GPR135: variants seen among roughly 807,000 people sequenced by gnomAD.
GPR135 encodes the protein G-protein coupled receptor 135.
Under a neutral mutation model 15.0 loss-of-function variants are expected in GPR135, and 17 were observed. The observed-to-expected ratio is 1.13, with a 90% confidence interval of 0.78 to 1.70. The LOEUF (loss-of-function observed/expected upper bound fraction) is 1.70. Ranked by LOEUF, GPR135 falls within the 40% of genes most tolerant of loss-of-function variation. The pLI, the probability that GPR135 is intolerant of heterozygous loss-of-function variation, is 0.00. For missense variants in GPR135, 776 were observed against 727.0 expected, an observed-to-expected ratio of 1.07 and a Z score of -0.78; for synonymous variants, 368 against 349.4, an observed-to-expected ratio of 1.05 and a Z score of -0.59.
In GPR135 at chr14:59,463,859, G is replaced by C. The variant is rs913273406; in HGVS notation, c.1368C>G (p.Asp456Glu). The C allele has an allele frequency of 8.1e-6, 13 of 1,613,288 alleles. No homozygotes were observed. The highest frequency in any genetic ancestry group is 1.1e-5 in the Non-Finnish European group (13 of 1,179,774). ...GATTTTTGCGGGCCCACATGGCCAC[G>C]TCCCCTGCCACTCCGCTGGCCGGGT... ...SSNPASGVAG[D>E]VAMWARKNPV... The change falls in exon 1 of 1, where the codon GAC becomes GAG. Residue 456 changes from aspartate to glutamate, a missense_variant. By Grantham distance (45) the Asp-to-Glu change is conservative. Coordinates refer to ENST00000395116, the MANE Select transcript of GPR135 (RefSeq NM_022571.6).
At chr14:59,452,876 C>T (rs772159668) in intron 6 of GPR135, among the ~76,000 whole-genome samples, 6 of 152,122 alleles carry the variant, frequency 3.9e-5, no homozygotes, top group African/African-American at 7.2e-5. Context: ...ATGGTACATC[C>T]AGACAATGGA....
In GPR135 at chr14:59,462,012, G is replaced by T. The variant is rs972052920; in HGVS notation, c.*1730C>A. On this transcript the variant is annotated 3_prime_UTR_variant, in exon 1 of 1. Transcript: ENST00000395116. ...TATACAATTTACAAACTTCTGATTT[G>T]TGATGATACCCTGAGAAGCAGAAAA... 6 of 152,166 alleles carry T rather than the reference G, an allele frequency of 3.9e-5. No individual in the cohort carries two copies. Among genetic ancestry groups the T allele is most frequent in the African/African-American group, 1.4e-4 (6 of 41,424 alleles). 9.4% of individuals were successfully genotyped at this position (152,166 alleles called of 1,614,324 possible).
At position 59,463,557 on chromosome 14, in the gene GPR135, A is replaced by G. The variant is rs748384702; in HGVS notation, c.*185T>C. 5.6e-5 allele frequency: 34 copies of G among 610,766 alleles called. No individual in the cohort carries two copies. The highest frequency in any genetic ancestry group is 8.8e-5 in the Non-Finnish European group (32 of 363,988). 37.8% of individuals were successfully genotyped at this position (610,766 alleles called of 1,614,324 possible). A position where few individuals can be genotyped will look rare whatever the true frequency, so the allele number is the denominator to read the frequency against. On this transcript the variant is annotated 3_prime_UTR_variant, in exon 1 of 1. Transcript: ENST00000395116. ...GATTGTTTTAATTTTTGCATTTTAC[A>G]TTCCTTTTGGCACTTTTGAAGAAGG...
At position 59,464,056 on chromosome 14, in the gene GPR135, T is replaced by G; in HGVS notation, c.1171A>C (p.Asn391His). ...CCTAGGAGCATCGAAATGTTGGGATTGCGGATGGCGTAGATGACAGGGTTG... is the reference window on the plus strand; with the variant it reads ...CCTAGGAGCATCGAAATGTTGGGATGGCGGATGGCGTAGATGACAGGGTTG... The part of the protein sequence containing the change: ...AINPVIYAIR[N>H]PNISMLLGRN... Residue 391 changes from asparagine (N) to histidine (H), a missense_variant, in exon 1 of 1, where the codon AAT becomes CAT. Physicochemically the swap from Asn to His is moderately conservative, Grantham distance 68 (BLOSUM62 1). Coordinates refer to ENST00000395116, the MANE Select transcript of GPR135 (RefSeq NM_022571.6). The G allele has an allele frequency of 6.2e-7, 1 of 1,613,586 alleles. No homozygotes were observed. Among genetic ancestry groups the G allele is most frequent in the Non-Finnish European group, 8.5e-7 (1 of 1,180,012 alleles).
At chr14:59,458,616 ATGG>A (rs1888747455), downstream of GPR135, among the ~76,000 whole-genome samples, 1 of 149,654 alleles carries the variant, frequency 6.7e-6, no homozygotes, top group Admixed American at 6.6e-5. Flanking sequence ...GGGGGCAGGG[ATGG>A]TGGCCTGCTT....
At position 59,453,788 on chromosome 14, in the gene GPR135, T is replaced by C. The variant is rs371678286; in HGVS notation, c.*874+1896A>G. On this transcript the variant is annotated intron_variant and NMD_transcript_variant, in intron 6 of 6. Coordinates refer to the GPR135 transcript ENST00000481661. The stretch of plus-strand genomic sequence containing the variant: ...AAGGGCAGGAAGGAAAAGGAAAACA[T>C]TTATTTTTCACTCTGTACCCTTTTG... 1.3e-4 allele frequency among the ~76,000 whole-genome samples: 20 copies of C among 152,342 alleles called. 2 individuals are homozygous for C. Among genetic ancestry groups the C allele is most frequent in the Admixed American group, 8.5e-4 (13 of 15,308 alleles).
downstream of GPR135, among the ~76,000 whole-genome samples, chr14:59,460,048 G>C (rs893889554): frequency 3.9e-5 from 6 of 152,202 alleles, no homozygotes; most frequent in Non-Finnish European, 2.9e-5. Context: ...ATTCCAAGAG[G>C]TTAGGGTTGG....
chr14:59,458,581 T>C (rs75424795), downstream of GPR135, among the ~76,000 whole-genome samples: 1 of 152,178 alleles, frequency 6.6e-6, no homozygotes, highest in South Asian at 2.1e-4. Flanking sequence ...CTATGCGAAC[T>C]CTCTGAGACA....
rs771125401 is a variant in GPR135, at chr14:59,464,392, C to A, written c.835G>T (p.Val279Leu). ...DPAQLGAAFS[V>L]GLVVACYLLP... ...AGGTAGCAGGCCACCACCAGCCCCA[C>A]GCTGAAGGCCGCGCCCAGCTGCGCG... Residue 279 changes from valine (V) to leucine (L), a missense_variant, in exon 1 of 1, where the codon GTG (valine) becomes TTG (leucine). Coordinates refer to ENST00000395116, the MANE Select transcript of GPR135 (RefSeq NM_022571.6). 1 of 1,601,308 alleles carries A rather than the reference C, an allele frequency of 6.2e-7. No homozygotes were observed. Among genetic ancestry groups the A allele is most frequent in the Non-Finnish European group, 8.5e-7 (1 of 1,174,946 alleles).
At chr14:59,459,774 T>C (rs1888791239), downstream of GPR135, among the ~76,000 whole-genome samples, 1 of 152,260 alleles carries the variant, frequency 6.6e-6, no homozygotes, top group Admixed American at 6.5e-5. Flanking sequence ...GAATGGGCAT[T>C]TTTCCTCTCA....
At chr14:59,454,186 A>C (rs998052551) in intron 6 of GPR135, among the ~76,000 whole-genome samples, 1 of 151,988 alleles carries the variant, frequency 6.6e-6, no homozygotes, top group African/African-American at 2.4e-5. Context: ...GCACTGCTAG[A>C]ATCTAAGCAG....
In GPR135 at chr14:59,464,139, T is replaced by G. The variant is rs772413471; in HGVS notation, c.1088A>C (p.Gln363Pro). 1.9e-6 allele frequency: 3 copies of G among 1,609,614 alleles called. No individual in the cohort carries two copies. Among genetic ancestry groups the G allele is most frequent in the Non-Finnish European group, 2.5e-6 (3 of 1,179,784 alleles). ...LAAARQAQTM[Q>P]APSLLSVVAV... ...CACCACGCTGAGGAGCGAGGGGGCC[T>G]GCATGGTCTGGGCCTGCCGGGCGGC... Residue 363 changes from glutamine to proline, a missense_variant, in exon 1 of 1, where the codon CAG (glutamine) becomes CCG (proline). By Grantham distance (76) the Gln-to-Pro change is moderately conservative (BLOSUM62 -1). Transcript: ENST00000395116.
intron 6 of GPR135, among the ~76,000 whole-genome samples, chr14:59,453,011 G>A (rs576051989): frequency 6.6e-6 from 1 of 152,302 alleles, no homozygotes; most frequent in Non-Finnish European, 1.5e-5. Flanking sequence ...CCAACTATAT[G>A]ACATTCTGGA....
In GPR135 at chr14:59,464,784, G is replaced by T. The variant is rs868663183; in HGVS notation, c.443C>A (p.Ser148Ter). 6.4e-7 allele frequency: 1 copy of T among 1,574,596 alleles called. No homozygotes were observed. Residue 148 changes from serine (S) to a stop codon, truncating the protein, a stop_gained, in exon 1 of 1, where the codon TCG (serine) becomes TAG (stop). Coordinates refer to ENST00000395116, the MANE Select transcript of GPR135 (RefSeq NM_022571.6). LOFTEE classifies it high-confidence loss of function. ...TNAFILSLSL[S>*]DLLTALLCLP... Reference sequence around the variant, plus strand: ...GCAGAGCAGCGCCGTGAGCAGATCCGATAGGGACAGCGACAGGATGAAGGC... The same window carrying T: ...GCAGAGCAGCGCCGTGAGCAGATCCTATAGGGACAGCGACAGGATGAAGGC...
At chr14:59,455,602 C>T (rs1272672) in intron 6 of GPR135, 82,182 of 152,002 alleles carry the variant, frequency 0.54, 24,530 homozygotes, top group African/African-American at 0.8. Flanking sequence ...ACAGGTCTCT[C>T]AGGGGGTTGT....
downstream of GPR135, among the ~76,000 whole-genome samples, chr14:59,459,512 A>G (rs2139766919): frequency 6.6e-6 from 1 of 152,368 alleles, no homozygotes; most frequent in East Asian, 1.9e-4. Flanking sequence ...GGCAGATGCC[A>G]GGGTGAATGG....
At position 59,465,360 on chromosome 14, in the gene GPR135, TG is replaced by T; in HGVS notation, c.-135del. On this transcript the variant is annotated 5_prime_UTR_variant, in exon 1 of 1. Transcript: ENST00000395116. ...GCTCGGCCGGAGGGGTGGCGGTCGC[TG>T]GGGACCTGGCGGAGCCTTTGACGTG... 1.7e-6 allele frequency: 1 copy of T among 593,722 alleles called. No homozygotes were observed. The highest frequency in any genetic ancestry group is 2.4e-6 in the Non-Finnish European group (1 of 411,276). 36.8% of individuals were successfully genotyped at this position (593,722 alleles called of 1,614,324 possible).
rs144281527 is a variant in GPR135 at position 59,464,006 on chromosome 14, C to A, written c.1221G>T (p.Arg407=). 20 of 1,614,008 alleles carry A rather than the reference C, an allele frequency of 1.2e-5. No homozygotes were observed. The highest frequency in any genetic ancestry group is 1.7e-5 in the Non-Finnish European group (20 of 1,180,038). Residue 407 remains arginine (R), a synonymous_variant, in exon 1 of 1, where the codon CGG becomes CGT. Coordinates refer to ENST00000395116, the MANE Select transcript of GPR135 (RefSeq NM_022571.6). Reference sequence around the variant, plus strand: ...GCAGGAAAGCGTCCACATTCCTAGTCCGGTAGCCCTCCTCGCGGTTGCGCC... The same window carrying A: ...GCAGGAAAGCGTCCACATTCCTAGTACGGTAGCCCTCCTCGCGGTTGCGCC... ...LLGRNREEGY[R]TRNVDAFLPS...
chr14:59,465,194 C>T lies in GPR135; in HGVS notation c.33G>A (p.Ala11=), dbSNP rs772415212. Residue 11 remains alanine, a synonymous_variant, in exon 1 of 1, where the codon GCG becomes GCA. Coordinates refer to ENST00000395116, the MANE Select transcript of GPR135 (RefSeq NM_022571.6). The stretch of plus-strand genomic sequence containing the variant: ...GCTGGCTGCCCAGTAAGGCCATGCT[C>T]GCTGGTGGGCGGGGCGGCTGCGGCT... The part of the protein sequence containing the change: MEEPQPPRPP[A]SMALLGSQHS... The T allele has an allele frequency of 1.0e-5, 13 of 1,260,710 alleles. No homozygotes were observed. The Admixed American group carries it at 1.2e-4, about 12-fold the overall frequency. 78.1% of individuals were successfully genotyped at this position (1,260,710 alleles called of 1,614,324 possible).
Sources: allele counts gnomAD v4.1 joint callset (sites outside exome capture counted in the v4.1 genomes callset), GRCh38; gene constraint gnomAD v4.1.1; transcripts MANE v1.5; gene names NCBI Gene and HGNC (gene_info 2026-07-23, HGNC 2026-07-21).